FARP1: variants seen among roughly 807,000 people sequenced by gnomAD.
FARP1 encodes the protein FERM, ARH/RhoGEF and pleckstrin domain protein 1.
FARP1 carries 52 observed loss-of-function variants against 128.8 expected under a neutral mutation model. That is an observed-to-expected ratio of 0.40 (90% CI 0.32 to 0.51). The LOEUF is 0.51. Among genes scored for constraint, FARP1 ranks in the 20% least tolerant of loss-of-function variants. The pLI, the probability that FARP1 is intolerant of heterozygous loss-of-function variation, is 0.45. For missense variants in FARP1, 1,333 were observed against 1,367.9 expected, an observed-to-expected ratio of 0.97 and a Z score of 0.40; for synonymous variants, 580 against 551.8, an observed-to-expected ratio of 1.05 and a Z score of -0.72.
intron 2 of FARP1, among the ~76,000 whole-genome samples, chr13:98,330,967 TGC>T (rs1887483445): frequency 1.3e-5 from 2 of 152,176 alleles, no homozygotes; most frequent in South Asian, 4.2e-4. Flanking sequence ...ATTTCCAGAG[TGC>T]CCTTGGAATC....
chr13:98,251,082 G>T (rs576855567), intron 2 of FARP1, among the ~76,000 whole-genome samples: 2 of 152,136 alleles, frequency 1.3e-5, no homozygotes, highest in Admixed American at 6.5e-5. Flanking sequence ...GAAAAATGAC[G>T]ATTTCTAATA....
At chr13:98,422,889 A>G (rs1891644026) in intron 16 of FARP1, among the ~76,000 whole-genome samples, 1 of 152,162 alleles carries the variant, frequency 6.6e-6, no homozygotes, top group Non-Finnish European at 1.5e-5. Flanking sequence ...CTCTAGAGGG[A>G]CAGAGCTAAT....
At chr13:98,163,526 A>G (rs915259889) in intron 1 of FARP1, among the ~76,000 whole-genome samples, 1 of 149,440 alleles carries the variant, frequency 6.7e-6, no homozygotes, top group African/African-American at 2.4e-5. Context: ...ATCAAATCAA[A>G]TCCTTATTTG....
intron 1 of FARP1, among the ~76,000 whole-genome samples, chr13:98,171,302 G>T (rs539957112): frequency 1.3e-5 from 2 of 152,198 alleles, no homozygotes; most frequent in Admixed American, 1.3e-4. Context: ...GGTGGGAGAG[G>T]GTCCCTGGGT....
chr13:98,388,345 T>C (rs775609510), intron 8 of FARP1, 38 bp from the exon 9 acceptor site: 4 of 1,501,356 alleles, frequency 2.7e-6, no homozygotes, highest in South Asian at 1.1e-5. Context: ...TTGCTTGTTA[T>C]GCATTTCCTG....
At chr13:98,409,301 A>C in intron 13 of FARP1, 37 bp from the exon 14 acceptor site, 1 of 739,168 alleles carries the variant, frequency 1.4e-6, no homozygotes, top group Non-Finnish European at 1.9e-6. Context: ...GAAAAAAATT[A>C]CTTTTTTTTT....
rs555009033 is a variant in FARP1, at chr13:98,379,411, G to T, written c.496+1493G>T. Among the ~76,000 whole-genome samples, 7 of 151,356 alleles carry T rather than the reference G, an allele frequency of 4.6e-5. 1 individual carries two copies. The South Asian group carries it at 1.5e-3, about 32-fold the overall frequency. On this transcript the variant is annotated intron_variant, in intron 6 of 26. Coordinates refer to ENST00000319562, the MANE Select transcript of FARP1 (RefSeq NM_005766.4). ...TTCATAAAATGATAGTGGAGAGGGAGAGGAGGGAGAGGAGGCTTTGAGTCT... is the reference window on the plus strand; with the variant it reads ...TTCATAAAATGATAGTGGAGAGGGATAGGAGGGAGAGGAGGCTTTGAGTCT...
At chr13:98,210,776 C>A (rs1484846230) in intron 1 of FARP1, among the ~76,000 whole-genome samples, 1 of 152,200 alleles carries the variant, frequency 6.6e-6, no homozygotes, top group African/African-American at 2.4e-5. Flanking sequence ...GTCTCCATCT[C>A]CTGACCTCGT....
intron 5 of FARP1, among the ~76,000 whole-genome samples, chr13:98,373,936 G>T (rs1187693793): frequency 2.0e-5 from 3 of 152,112 alleles, no homozygotes; most frequent in Admixed American, 6.5e-5. Context: ...AACATACATT[G>T]TAGAAAGTTA....
At position 98,452,640 on chromosome 13, in the gene FARP1, T is replaced by C. The variant is rs1893252926; in HGVS notation, c.*4323T>C. The C allele has an allele frequency of 6.5e-6, 1 of 152,792 alleles. No individual in the cohort carries two copies. Among genetic ancestry groups the C allele is most frequent in the Non-Finnish European group, 1.5e-5 (1 of 68,188 alleles). 9.5% of individuals were successfully genotyped at this position (152,792 alleles called of 1,614,324 possible). A position where few individuals can be genotyped will look rare whatever the true frequency, so the allele number is the denominator to read the frequency against. ...GACTCAAGTTATGGCCTGTCGAATA[T>C]TTACTCCACTGACGTTATCTACAGA... On this transcript the variant is annotated 3_prime_UTR_variant, in exon 27 of 27. Transcript: ENST00000319562.
At chr13:98,428,397 C>T (rs1193653786) in intron 17 of FARP1, among the ~76,000 whole-genome samples, 3 of 152,144 alleles carry the variant, frequency 2.0e-5, no homozygotes, top group Admixed American at 2.0e-4. Flanking sequence ...CTTTCTGACA[C>T]TTCTACCACT....
At chr13:98,152,244 G>A (rs1315441487) in intron 1 of FARP1, among the ~76,000 whole-genome samples, 1 of 152,186 alleles carries the variant, frequency 6.6e-6, no homozygotes, top group Non-Finnish European at 1.5e-5. Flanking sequence ...GACTGCTGCA[G>A]CCTAATTAGT....
At chr13:98,218,272 C>T (rs919678452) in intron 2 of FARP1, among the ~76,000 whole-genome samples, 1 of 152,190 alleles carries the variant, frequency 6.6e-6, no homozygotes, top group African/African-American at 2.4e-5. Flanking sequence ...TCCAGGCCAG[C>T]CTTCTCTCCT....
intron 2 of FARP1, among the ~76,000 whole-genome samples, chr13:98,309,067 G>A (rs1209045522): frequency 1.4e-5 from 2 of 147,526 alleles, no homozygotes; most frequent in Non-Finnish European, 3.0e-5. Context: ...TGGCAATTTT[G>A]AAATGGATCA....
At chr13:98,320,940 G>A (rs1019912712) in intron 2 of FARP1, among the ~76,000 whole-genome samples, 2 of 152,148 alleles carry the variant, frequency 1.3e-5, no homozygotes, top group African/African-American at 4.8e-5. Flanking sequence ...TTCACTCCCC[G>A]AGAGACACCT....
At chr13:98,245,098 A>C in intron 2 of FARP1, 1 of 1,002,092 alleles carries the variant, frequency 1.0e-6, no homozygotes, top group Non-Finnish European at 1.2e-6. Flanking sequence ...GTGGTCTCTT[A>C]ATTAGATTCT....
chr13:98,344,460 G>A (rs1888096477), intron 3 of FARP1, among the ~76,000 whole-genome samples: 2 of 152,156 alleles, frequency 1.3e-5, no homozygotes, highest in African/African-American at 4.8e-5. Context: ...ACCATGCCCG[G>A]GGGTGAAGAT....
At chr13:98,376,438 G>A (rs749675876) in intron 5 of FARP1, among the ~76,000 whole-genome samples, 13 of 152,148 alleles carry the variant, frequency 8.5e-5, no homozygotes, top group Non-Finnish European at 1.5e-4. Context: ...ATCATGCTGT[G>A]CAAATGACAA....
intron 2 of FARP1, among the ~76,000 whole-genome samples, chr13:98,286,394 T>C (rs1885168519): frequency 6.6e-6 from 1 of 152,196 alleles, no homozygotes; most frequent in African/African-American, 2.4e-5. Context: ...TTCCCACGTG[T>C]TGTGCAAGGG....
Sources: gnomAD v4.1 joint callset for allele counts (sites outside exome capture counted in the v4.1 genomes callset) on GRCh38, gnomAD v4.1.1 for gene constraint, MANE v1.5 for transcripts, NCBI Gene and HGNC (gene_info 2026-07-23, HGNC 2026-07-21) for gene names.